NT5DC1: variants seen among roughly 807,000 people sequenced by gnomAD.
The protein encoded by NT5DC1 is 5'-nucleotidase domain-containing protein 1.
NT5DC1 carries 42 observed loss-of-function variants against 59.4 expected under a neutral mutation model. The observed-to-expected ratio is 0.71, with a 90% CI of 0.55 to 0.92. The LOEUF (loss-of-function observed/expected upper bound fraction) is 0.92. NT5DC1 is among the 40% of genes least tolerant of loss of function. The pLI is 0.00. For missense variants in NT5DC1, 501 were observed against 537.1 expected (o/e 0.93, Z 0.66); for synonymous variants, 172 against 188.1 (o/e 0.91, Z 0.70).
chr6:116,221,231 G>A lies in NT5DC1; in HGVS notation c.704+3G>A, dbSNP rs1032036790. ...CTTCTCTGCGAATATATTCTTGGGT[G>A]AGTGATGAGTCATTCAGTTTTCATT... On this transcript the variant is annotated splice_donor_region_variant and intron_variant, in intron 7 of 11. Transcript: ENST00000319550. The A allele has an allele frequency of 1.0e-5, 16 of 1,541,882 alleles. No individual in the cohort carries two copies. In the African/African-American group the frequency reaches 1.9e-4, roughly 18 times the overall value.
intron 6 of NT5DC1, among the ~76,000 whole-genome samples, chr6:116,160,470 G>T (rs1028497707): frequency 1.3e-5 from 2 of 151,458 alleles, no homozygotes; most frequent in South Asian, 2.1e-4. Flanking sequence ...AATTTTTGTG[G>T]TTTTTTTTCT....
At chr6:116,216,736 TATAA>T (rs1226644390) in intron 6 of NT5DC1, among the ~76,000 whole-genome samples, 1 of 152,130 alleles carries the variant, frequency 6.6e-6, no homozygotes, top group Non-Finnish European at 1.5e-5. Context: ...TTTTGCCACC[TATAA>T]ATAAACAAAA....
At position 116,163,141 on chromosome 6, in the gene NT5DC1, A is replaced by AAAAAAAAATATATAT. The variant is rs761718922; in HGVS notation, c.529+45197_529+45198insAAAAAAATATATATA. Among the ~76,000 whole-genome samples the AAAAAAAAATATATAT allele has an allele frequency of 2.6e-4, 23 of 88,398 alleles. 1 individual carries two copies. The highest frequency in any genetic ancestry group is 1.3e-3 in the African/African-American group (22 of 17,310). 58.0% of individuals were successfully genotyped at this position (88,398 alleles called of 152,430 possible). On this transcript the variant is annotated intron_variant, in intron 6 of 11. Transcript: ENST00000319550. ...GACTCCGTCTCAAAAAAAAAAAAAA[A>AAAAAAAAATATATAT]ATATATATATATATATATATATTAG...
chr6:116,208,790 A>C (rs1781512560), intron 6 of NT5DC1, among the ~76,000 whole-genome samples: 1 of 152,010 alleles, frequency 6.6e-6, no homozygotes, highest in South Asian at 2.1e-4. Flanking sequence ...AAAGTGTGCT[A>C]AAATCATAAA....
chr6:116,124,396 T>C (rs1779230313), intron 6 of NT5DC1, among the ~76,000 whole-genome samples: 1 of 152,170 alleles, frequency 6.6e-6, no homozygotes, highest in Non-Finnish European at 1.5e-5. Context: ...TTAGTGAATA[T>C]GAGGCCTAGA....
chr6:116,145,498 A>G, intron 6 of NT5DC1: 2 of 365,702 alleles, frequency 5.5e-6, no homozygotes, highest in East Asian at 7.7e-5. Context: ...CTTATTTAAG[A>G]GATTAAAGTG....
At chr6:116,135,417 C>T (rs761352052) in intron 6 of NT5DC1, among the ~76,000 whole-genome samples, 6 of 151,798 alleles carry the variant, frequency 4.0e-5, no homozygotes, top group Non-Finnish European at 8.8e-5. Flanking sequence ...AACCGCCCCC[C>T]CCACCTTTTT....
intron 6 of NT5DC1, among the ~76,000 whole-genome samples, chr6:116,147,791 T>C (rs1041831501): frequency 3.3e-5 from 5 of 152,174 alleles, no homozygotes; most frequent in African/African-American, 1.2e-4. Flanking sequence ...TACAGGGTTA[T>C]TGATTATACC....
rs1224038611 is a variant in NT5DC1 at position 116,247,761 on chromosome 6, T to C, written c.*3737T>C. The C allele has an allele frequency of 6.6e-6, 1 of 152,194 alleles. No individual in the cohort carries two copies. The highest frequency in any genetic ancestry group is 1.5e-5 in the Non-Finnish European group (1 of 68,028). 9.4% of individuals were successfully genotyped at this position (152,194 alleles called of 1,614,324 possible). A position where few individuals can be genotyped will look rare whatever the true frequency, so the allele number is the denominator to read the frequency against. ...AGTTTAATAAAGAAAAGGAATAAAT[T>C]ACTATCTAAATGTGTTAAAAGCAAT... is the stretch of plus-strand genomic sequence containing the variant. On this transcript the variant is annotated 3_prime_UTR_variant, in exon 12 of 12. Transcript: ENST00000319550.
chr6:116,167,608 C>G (rs1282692081), intron 6 of NT5DC1, among the ~76,000 whole-genome samples: 1 of 152,144 alleles, frequency 6.6e-6, no homozygotes, highest in Non-Finnish European at 1.5e-5. Context: ...TATAAATTGA[C>G]AGGCATTTTT....
At chr6:116,145,414 T>C in intron 6 of NT5DC1, 1 of 348,708 alleles carries the variant, frequency 2.9e-6, no homozygotes, top group South Asian at 2.3e-5. Context: ...TGCAAAACTT[T>C]TTCTGTTCTT....
In NT5DC1 at chr6:116,168,435, T is replaced by G. The variant is rs1344712406; in HGVS notation, c.529+50490T>G. Among the ~76,000 whole-genome samples, 4 of 152,188 alleles carry G rather than the reference T, an allele frequency of 2.6e-5. No individual in the cohort carries two copies. In the East Asian group the frequency reaches 7.7e-4, roughly 29 times the overall value. ...TGTATTTTTCAGTTCTAGAATTCCA[T>G]TTAGTTCTTTTTCTATTTTTCAATT... On this transcript the variant is annotated intron_variant, in intron 6 of 11. Transcript: ENST00000319550.
At chr6:116,113,616 A>G (rs1778918053) in intron 4 of NT5DC1, among the ~76,000 whole-genome samples, 1 of 152,234 alleles carries the variant, frequency 6.6e-6, no homozygotes. Flanking sequence ...TTGTGTCCAC[A>G]CAGCGGACAT....
intron 6 of NT5DC1, among the ~76,000 whole-genome samples, chr6:116,155,957 T>C (rs1780182942): frequency 6.6e-6 from 1 of 152,068 alleles, no homozygotes; most frequent in African/African-American, 2.4e-5. Context: ...CCTAAAGGCT[T>C]TAGGGTTGGG....
chr6:116,103,030 C>T (rs1778694250), intron 1 of NT5DC1, among the ~76,000 whole-genome samples: 1 of 152,162 alleles, frequency 6.6e-6, no homozygotes, highest in Non-Finnish European at 1.5e-5. Context: ...TTCAGTTTTC[C>T]ACAAAACCCT....
intron 6 of NT5DC1, among the ~76,000 whole-genome samples, chr6:116,132,513 G>A (rs1469450023): frequency 6.6e-6 from 1 of 151,394 alleles, no homozygotes; most frequent in Non-Finnish European, 1.5e-5. Flanking sequence ...AGGTACATAT[G>A]TCTTTATTCA....
rs1778628577 is a variant in NT5DC1, at chr6:116,100,949, C to G, written c.19C>G (p.Leu7Val). The G allele has an allele frequency of 4.4e-6, 7 of 1,604,386 alleles. No individual in the cohort carries two copies. Among genetic ancestry groups the G allele is most frequent in the Non-Finnish European group, 5.9e-6 (7 of 1,176,656 alleles). MAQHFS[L>V]AACDVVGFDL... The stretch of plus-strand genomic sequence containing the variant: ...CGCAGCCATGGCTCAGCACTTCTCC[C>G]TGGCCGCCTGCGACGTGGTCGGATT... The change falls in exon 1 of 12, where the codon CTG becomes GTG. Residue 7 changes from leucine to valine, a missense_variant. Physicochemically the swap from Leu to Val is conservative, Grantham distance 32. Transcript: ENST00000319550.
At chr6:116,111,529 G>A (rs529954452) in intron 4 of NT5DC1, among the ~76,000 whole-genome samples, 1 of 152,118 alleles carries the variant, frequency 6.6e-6, no homozygotes, top group Non-Finnish European at 1.5e-5. Flanking sequence ...ATAGTTAAAT[G>A]TTTTTATAAA....
rs1209662733 is a variant in NT5DC1, at chr6:116,118,164, A to G, written c.529+219A>G. On this transcript the variant is annotated intron_variant, in intron 6 of 11. Coordinates refer to ENST00000319550, the MANE Select transcript of NT5DC1 (RefSeq NM_152729.3). ...CCCATATTCCAAGCTGTGCTGTTAC[A>G]CTCTCCTTTACCACGCCTGCCACGA... The G allele has an allele frequency of 9.3e-6, 5 of 536,756 alleles. No homozygotes were observed. The Admixed American group carries it at 1.3e-4, about 14-fold the overall frequency. The allele number at this position is 536,756 out of a possible 1,614,324, so 33.2% of individuals were successfully genotyped here.
Sources: gnomAD v4.1 joint callset for allele counts (sites outside exome capture counted in the v4.1 genomes callset) on GRCh38, gnomAD v4.1.1 for gene constraint, MANE v1.5 for transcripts, NCBI Gene and HGNC (gene_info 2026-07-23, HGNC 2026-07-21) for gene names.